SAR1A: variants seen among roughly 807,000 people sequenced by gnomAD.
SAR1A encodes the protein secretion associated Ras related GTPase 1A, also known as small COPII coat GTPase SAR1A.
Under a neutral mutation model 22.6 loss-of-function variants are expected in SAR1A, and 6 were observed. That is an observed-to-expected ratio of 0.27 (90% CI 0.15 to 0.52). The LOEUF is 0.52. Among genes scored for constraint, SAR1A ranks in the 20% least tolerant of loss-of-function variants. The probability of loss-of-function intolerance (pLI) is 0.96; values close to 1 mark genes in which losing one functional copy is unlikely to be tolerated. For missense variants in SAR1A, 145 were observed against 245.1 expected (o/e 0.59, Z 2.73); for synonymous variants, 70 against 82.2 (o/e 0.85, Z 0.80).
At chr10:70,157,741 A>G in intron 5 of SAR1A, 23 bp downstream of exon 5, 1 of 1,554,010 alleles carries the variant, frequency 6.4e-7, no homozygotes, top group East Asian at 2.2e-5. Context: ...ACATTAAAAT[A>G]CACATTAAAG....
At chr10:70,168,652 A>G (rs1462831014) in intron 1 of SAR1A, among the ~76,000 whole-genome samples, 2 of 152,192 alleles carry the variant, frequency 1.3e-5, no homozygotes, top group Admixed American at 6.5e-5. Context: ...ACAAGTCTGT[A>G]AAGTATTGAC....
At position 70,148,748 on chromosome 10, in the gene SAR1A, C is replaced by A. The variant is rs913248647; in HGVS notation, c.*3728G>T. On this transcript the variant is annotated 3_prime_UTR_variant, in exon 7 of 7. Transcript: ENST00000373241. ...AAGGCTGCAGTGACCTATGTTCATA[C>A]CACTGCACTCCAGCCTGGGCGACAG... 1.4e-4 allele frequency: 21 copies of A among 152,922 alleles called. No individual in the cohort carries two copies. Among genetic ancestry groups the A allele is most frequent in the African/African-American group, 4.8e-4 (20 of 41,396 alleles). The allele number at this position is 152,922 out of a possible 1,614,324, so 9.5% of individuals were successfully genotyped here.
chr10:70,155,908 T>C (rs779482363), intron 5 of SAR1A, among the ~76,000 whole-genome samples: 3 of 152,090 alleles, frequency 2.0e-5, no homozygotes, highest in Non-Finnish European at 4.4e-5. Flanking sequence ...ATGCAAAAGA[T>C]TTATAGATTT....
chr10:70,166,114 T>G (rs1379349745), intron 1 of SAR1A, among the ~76,000 whole-genome samples: 2 of 152,258 alleles, frequency 1.3e-5, no homozygotes, highest in East Asian at 3.8e-4. Context: ...TACTGTACAC[T>G]TAACAGACTA....
chr10:70,164,100 G>T, intron 1 of SAR1A: 1 of 751,190 alleles, frequency 1.3e-6, no homozygotes, highest in Non-Finnish European at 2.5e-6. Flanking sequence ...AGTAAACTAT[G>T]AGTTTGTACA....
Position 70,153,973 on chromosome 10 carries a change from A to C in SAR1A, c.349-4T>G. 6.4e-7 allele frequency: 1 copy of C among 1,561,076 alleles called. No individual in the cohort carries two copies. On this transcript the variant is annotated splice_region_variant and splice_polypyrimidine_tract_variant and intron_variant, in intron 5 of 6. Coordinates refer to ENST00000373241, the MANE Select transcript of SAR1A (RefSeq NM_020150.5). ...TTGTTTCATCAGTCATTAAAGCCTA[A>C]AGATTGAAAAAAAAGAAAAAAAGAA...
chr10:70,166,800 G>A (rs1839557874), intron 1 of SAR1A: 2 of 143,402 alleles, frequency 1.4e-5, no homozygotes. Flanking sequence ...ACCAGCCTGG[G>A]TAACATAGAG....
intron 1 of SAR1A, among the ~76,000 whole-genome samples, 166 bp downstream of exon 1, chr10:70,170,247 T>C (rs1384920201): frequency 6.6e-6 from 1 of 151,624 alleles, no homozygotes; most frequent in Non-Finnish European, 1.5e-5. Flanking sequence ...CTGGCCAAGT[T>C]GTCCCGTCCC....
chr10:70,163,770 C>T (rs1166155298), intron 1 of SAR1A: 3 of 1,086,514 alleles, frequency 2.8e-6, no homozygotes, highest in Non-Finnish European at 4.3e-6. Flanking sequence ...GGAACTATAA[C>T]AACAAAGAAA....
In SAR1A at chr10:70,152,073, C is replaced by A; in HGVS notation, c.*403G>T. ...AAAAAAAGAATAGAAAACTCTGGAC[C>A]AAGTAAATTGTGAACTCAAAAAGTT... is the stretch of plus-strand genomic sequence containing the variant. On this transcript the variant is annotated 3_prime_UTR_variant, in exon 7 of 7. Coordinates refer to ENST00000373241, the MANE Select transcript of SAR1A (RefSeq NM_020150.5). The A allele has an allele frequency of 4.5e-6, 1 of 224,530 alleles. No individual in the cohort carries two copies. 13.9% of individuals were successfully genotyped at this position (224,530 alleles called of 1,614,324 possible).
chr10:70,162,714 C>T (rs1381611360), intron 1 of SAR1A: 1 of 151,978 alleles, frequency 6.6e-6, no homozygotes, highest in Non-Finnish European at 1.5e-5. Flanking sequence ...CTTTGTGGAT[C>T]CTGAGGTTTT....
intron 5 of SAR1A, among the ~76,000 whole-genome samples, chr10:70,155,294 C>G (rs1839373127): frequency 6.6e-6 from 1 of 151,580 alleles, no homozygotes; most frequent in Admixed American, 6.6e-5. Flanking sequence ...TTGAAGAGAC[C>G]AATGTCTAAA....
At chr10:70,161,413 G>A in intron 3 of SAR1A, 2 of 611,600 alleles carry the variant, frequency 3.3e-6, no homozygotes, top group Non-Finnish European at 5.7e-6. Context: ...TCCCTTTACA[G>A]GACCAGTGAC....
chr10:70,154,507 T>C (rs889960473), intron 5 of SAR1A, among the ~76,000 whole-genome samples: 3 of 123,060 alleles, frequency 2.4e-5, no homozygotes, highest in Non-Finnish European at 5.7e-5. Context: ...ATTATGTTTT[T>C]TTTCTTTTTT....
intron 1 of SAR1A, among the ~76,000 whole-genome samples, chr10:70,162,256 C>T (rs534970111): frequency 6.6e-6 from 1 of 151,396 alleles, no homozygotes; most frequent in South Asian, 2.1e-4. Flanking sequence ...AGAAGAATTA[C>T]TTGAACCCAG....
At position 70,150,058 on chromosome 10, in the gene SAR1A, T is replaced by C. The variant is rs1209924707; in HGVS notation, c.*2418A>G. 1 of 152,040 alleles carries C rather than the reference T, an allele frequency of 6.6e-6. No individual in the cohort carries two copies. Among genetic ancestry groups the C allele is most frequent in the African/African-American group, 2.4e-5 (1 of 41,384 alleles). 9.4% of individuals were successfully genotyped at this position (152,040 alleles called of 1,614,324 possible). A position where few individuals can be genotyped will look rare whatever the true frequency, so the allele number is the denominator to read the frequency against. ...AGTACCCCAGCCTTTTTCCCCCTCC[T>C]GGTGGCAAAATTCAAGTATCTCACA... On this transcript the variant is annotated 3_prime_UTR_variant, in exon 7 of 7. Transcript: ENST00000373241.
At chr10:70,160,155 C>A (rs1839449941) in intron 4 of SAR1A, among the ~76,000 whole-genome samples, 1 of 147,854 alleles carries the variant, frequency 6.8e-6, no homozygotes, top group Non-Finnish European at 1.5e-5. Flanking sequence ...TATACCTGGT[C>A]AAGATGAAAA....
At chr10:70,161,189 G>A in intron 3 of SAR1A, 120 bp from the exon 4 acceptor site, 1 of 746,186 alleles carries the variant, frequency 1.3e-6, no homozygotes, top group Non-Finnish European at 2.2e-6. Flanking sequence ...GAAGTTGAGT[G>A]TGGTGGTACC....
intron 1 of SAR1A, among the ~76,000 whole-genome samples, chr10:70,164,580 G>GT (rs1435199197): frequency 1.3e-5 from 2 of 152,222 alleles, no homozygotes; most frequent in South Asian, 4.1e-4. Context: ...CTCACACACT[G>GT]TTTTTTCTGT....
Sources: gnomAD v4.1 joint callset for allele counts (sites outside exome capture counted in the v4.1 genomes callset) on GRCh38, gnomAD v4.1.1 for gene constraint, MANE v1.5 for transcripts, NCBI Gene and HGNC (gene_info 2026-07-23, HGNC 2026-07-21) for gene names.